SKAP1: variants seen among roughly 807,000 people sequenced by gnomAD.
SKAP1 encodes the protein src kinase-associated phosphoprotein 1.
Under a neutral mutation model 58.5 loss-of-function variants are expected in SKAP1, and 44 were observed. The ratio of observed to expected loss-of-function variants is 0.75; its 90% CI spans 0.59 to 0.97. The LOEUF is 0.97. SKAP1 is among the 50% of genes least tolerant of loss of function. The probability of loss-of-function intolerance (pLI) is 0.00; values close to 1 mark genes in which losing one functional copy is unlikely to be tolerated. For synonymous variants in SKAP1, 127 were observed against 149.7 expected, an observed-to-expected ratio of 0.85 and a Z score of 1.11; for missense variants, 390 against 435.2, an observed-to-expected ratio of 0.90 and a Z score of 0.92.
At chr17:48,418,255 G>A (rs960359352) in intron 1 of SKAP1, among the ~76,000 whole-genome samples, 5 of 152,066 alleles carry the variant, frequency 3.3e-5, no homozygotes, top group Non-Finnish European at 7.4e-5. Flanking sequence ...GTGCCACTGC[G>A]CTCCAGCCTG....
chr17:48,217,142 A>G (rs2064950156), intron 4 of SKAP1, among the ~76,000 whole-genome samples: 1 of 152,184 alleles, frequency 6.6e-6, no homozygotes, highest in African/African-American at 2.4e-5. Flanking sequence ...ACTTCTTCAT[A>G]CTGATCTCAT....
At chr17:48,443,207 A>C in the SKAP1 span, among the ~76,000 whole-genome samples, 1 of 152,146 alleles carries the variant, frequency 6.6e-6, no homozygotes, top group Non-Finnish European at 1.5e-5. Flanking sequence ...CCTCTCCTAC[A>C]TTCCTGTAGC....
chr17:48,164,532 G>T (rs1209177921), intron 10 of SKAP1, among the ~76,000 whole-genome samples: 1 of 152,126 alleles, frequency 6.6e-6, no homozygotes, highest in African/African-American at 2.4e-5. Context: ...ATATGGGCCT[G>T]GGAGAACATC....
intron 8 of SKAP1, among the ~76,000 whole-genome samples, chr17:48,181,067 G>A (rs1458702708): frequency 6.6e-6 from 1 of 152,104 alleles, no homozygotes; most frequent in East Asian, 1.9e-4. Context: ...AGTGCAGTCA[G>A]CATACTCTGG....
At chr17:48,367,817 A>C (rs562906954) in intron 2 of SKAP1, among the ~76,000 whole-genome samples, 13 of 151,246 alleles carry the variant, frequency 8.6e-5, no homozygotes, top group African/African-American at 3.1e-4. Flanking sequence ...CGGGAGGCTG[A>C]GGTGGGAGGA....
At chr17:48,324,501 CAT>C (rs1429576080) in intron 4 of SKAP1, among the ~76,000 whole-genome samples, 2 of 151,996 alleles carry the variant, frequency 1.3e-5, no homozygotes, top group African/African-American at 4.8e-5. Context: ...TCTTTGCACA[CAT>C]ATACATAAGC....
At chr17:48,292,150 A>G (rs2065906933) in intron 4 of SKAP1, among the ~76,000 whole-genome samples, 1 of 150,910 alleles carries the variant, frequency 6.6e-6, no homozygotes, top group East Asian at 1.9e-4. Flanking sequence ...AAAAAAAGAA[A>G]GAAAGAAAGA....
upstream of SKAP1, among the ~76,000 whole-genome samples, chr17:48,432,514 A>AT (rs998934036): frequency 6.6e-6 from 1 of 152,132 alleles, no homozygotes; most frequent in Non-Finnish European, 1.5e-5. Flanking sequence ...AGGTACCCCC[A>AT]TGGCATTTTT....
intron 5 of SKAP1, among the ~76,000 whole-genome samples, chr17:48,188,643 G>A (rs1304472259): frequency 2.6e-5 from 4 of 151,864 alleles, no homozygotes; most frequent in African/African-American, 7.3e-5. Flanking sequence ...CTATGATGGC[G>A]CTACTGTATT....
intron 2 of SKAP1, among the ~76,000 whole-genome samples, chr17:48,386,306 CTTT>C (rs201047932): frequency 6.3e-5 from 8 of 127,306 alleles, no homozygotes; most frequent in Non-Finnish European, 1.1e-4. Context: ...CATGCTAGAC[CTTT>C]TTTTTTTTTT....
chr17:48,360,426 A>G (rs1229336838), intron 3 of SKAP1, among the ~76,000 whole-genome samples: 1 of 152,190 alleles, frequency 6.6e-6, no homozygotes, highest in Non-Finnish European at 1.5e-5. Context: ...ATCAAATCTA[A>G]GGGCAAAATT....
chr17:48,420,113 G>A (rs1262692279), intron 1 of SKAP1, among the ~76,000 whole-genome samples: 5 of 152,088 alleles, frequency 3.3e-5, no homozygotes, highest in Non-Finnish European at 5.9e-5. Context: ...GAAACACAGG[G>A]GAAACAAATA....
intron 10 of SKAP1, 39 bp from the exon 11 acceptor site, chr17:48,162,608 T>C (rs2064084578): frequency 2.0e-6 from 3 of 1,530,922 alleles, no homozygotes; most frequent in Middle Eastern, 1.7e-4. Flanking sequence ...AAAAGGACTC[T>C]ATTTTTTCCG....
chr17:48,188,721 G>A (rs531981573), intron 5 of SKAP1, among the ~76,000 whole-genome samples: 1 of 151,512 alleles, frequency 6.6e-6, no homozygotes, highest in South Asian at 2.1e-4. Flanking sequence ...AAAAAAGGCC[G>A]GGTGTGGTGG....
At chr17:48,393,530 T>G (rs1450656158) in intron 2 of SKAP1, among the ~76,000 whole-genome samples, 1 of 152,186 alleles carries the variant, frequency 6.6e-6, no homozygotes, top group African/African-American at 2.4e-5. Flanking sequence ...AAGCACATTA[T>G]AATAGCTGTG....
intron 4 of SKAP1, among the ~76,000 whole-genome samples, chr17:48,288,381 C>T (rs1437878514): frequency 2.0e-5 from 3 of 152,152 alleles, no homozygotes; most frequent in Admixed American, 2.0e-4. Flanking sequence ...TAGTGGCTGA[C>T]TACCAGATTG....
chr17:48,433,975 A>G (rs574495278), upstream of SKAP1, among the ~76,000 whole-genome samples: 24 of 152,370 alleles, frequency 1.6e-4, no homozygotes, highest in African/African-American at 5.8e-4. Flanking sequence ...CAAGCAAAGC[A>G]GGAGCTGGCT....
chr17:48,316,505 T>C (rs957705637), intron 4 of SKAP1, among the ~76,000 whole-genome samples: 3 of 152,204 alleles, frequency 2.0e-5, no homozygotes, highest in Admixed American at 6.5e-5. Context: ...AGTCATTCTC[T>C]CTCTGCCTTT....
In SKAP1 at chr17:48,180,048, T is replaced by C. The variant is rs1423656621; in HGVS notation, c.826+6A>G. 6.4e-7 allele frequency: 1 copy of C among 1,572,518 alleles called. No homozygotes were observed. The highest frequency in any genetic ancestry group is 2.3e-5 in the East Asian group (1 of 44,260). ...CATAAGATAATCAGAGGACAAAATT[T>C]CTCACCTGGCAAGACTTCATAAATA... is the stretch of plus-strand genomic sequence containing the variant. On this transcript the variant is annotated splice_donor_region_variant and intron_variant, in intron 9 of 12. Coordinates refer to ENST00000336915, the MANE Select transcript of SKAP1 (RefSeq NM_003726.4).
Sources: gnomAD v4.1 joint callset for allele counts (sites outside exome capture counted in the v4.1 genomes callset) on GRCh38, gnomAD v4.1.1 for gene constraint, MANE v1.5 for transcripts, NCBI Gene and HGNC (gene_info 2026-07-23, HGNC 2026-07-21) for gene names.